SYT6: variants seen among roughly 807,000 people sequenced by gnomAD.
SYT6 encodes the protein synaptotagmin 6.
Under a neutral mutation model 38.4 loss-of-function variants are expected in SYT6, and 24 were observed. That is an observed-to-expected ratio of 0.62 (90% confidence interval 0.45 to 0.88). The LOEUF (loss-of-function observed/expected upper bound fraction) is 0.88. Among genes scored for constraint, SYT6 ranks in the 40% least tolerant of loss-of-function variants. The probability of loss-of-function intolerance (pLI) is 0.00; values close to 1 mark genes in which losing one functional copy is unlikely to be tolerated. For synonymous variants in SYT6, 265 were observed against 241.9 expected, an observed-to-expected ratio of 1.10 and a Z score of -0.89; for missense variants, 611 against 621.0, an observed-to-expected ratio of 0.98 and a Z score of 0.17.
At chr1:114,129,683 CT>C (rs1678023456) in intron 3 of SYT6, among the ~76,000 whole-genome samples, 2 of 129,622 alleles carry the variant, frequency 1.5e-5, no homozygotes, top group African/African-American at 5.9e-5. Context: ...CTTTTTCTTT[CT>C]TTCTTGACAG....
At chr1:114,134,620 G>T (rs1397748153) in intron 3 of SYT6, among the ~76,000 whole-genome samples, 1 of 152,210 alleles carries the variant, frequency 6.6e-6, no homozygotes. Flanking sequence ...CGGCAGGTAG[G>T]CTCTGAAAGG....
At chr1:114,111,930 T>A (rs1676708802) in intron 3 of SYT6, among the ~76,000 whole-genome samples, 1 of 152,098 alleles carries the variant, frequency 6.6e-6, no homozygotes, top group Admixed American at 6.5e-5. Context: ...GTGAGTTGAT[T>A]CCCTGCTCCG....
In SYT6 at chr1:114,137,866, T is replaced by A. The variant is rs773087545; in HGVS notation, c.700A>T (p.Asn234Tyr). The change falls in exon 3 of 8, where the codon AAC becomes TAC. Residue 234 changes from asparagine to tyrosine, a missense_variant. Transcript: ENST00000610222. ...TCGTAATCGTAGCGTAGGCTGAAGT[T>A]GATCTTCCCGCAGCTCTTGGTGGCC... Reference protein sequence around the residue: ...SEATKSCGKINFSLRYDYETE... With the variant: ...SEATKSCGKIYFSLRYDYETE... 1.7e-5 allele frequency: 27 copies of A among 1,613,888 alleles called. No individual in the cohort carries two copies. Among genetic ancestry groups the A allele is most frequent in the Non-Finnish European group, 2.2e-5 (26 of 1,180,014 alleles).
At chr1:114,119,895 C>A (rs1231519369) in intron 3 of SYT6, among the ~76,000 whole-genome samples, 2 of 152,078 alleles carry the variant, frequency 1.3e-5, no homozygotes, top group Admixed American at 6.6e-5. Flanking sequence ...CACAGTGGAA[C>A]GCTGTCTCTA....
At chr1:114,146,448 T>A (rs1314292079) in intron 1 of SYT6, among the ~76,000 whole-genome samples, 3 of 152,198 alleles carry the variant, frequency 2.0e-5, no homozygotes, top group African/African-American at 7.2e-5. Context: ...ACATGTCCCC[T>A]AGGAAATCAC....
At chr1:114,095,702 C>A (rs1279752539) in intron 6 of SYT6, among the ~76,000 whole-genome samples, 1 of 150,464 alleles carries the variant, frequency 6.6e-6, no homozygotes, top group Non-Finnish European at 1.5e-5. Flanking sequence ...GCTCTGTTGT[C>A]CAGGCTGGAG....
chr1:114,091,899 A>G lies in SYT6; in HGVS notation c.*235T>C, dbSNP rs2101613272. 2 of 1,056,852 alleles carry G rather than the reference A, an allele frequency of 1.9e-6. No individual in the cohort carries two copies. The highest frequency in any genetic ancestry group is 2.6e-5 in the East Asian group (1 of 38,378). 65.5% of individuals were successfully genotyped at this position (1,056,852 alleles called of 1,614,324 possible). A position where few individuals can be genotyped will look rare whatever the true frequency, so the allele number is the denominator to read the frequency against. ...CAGGAGCAGGTAAGACTCTGGAGTG[A>G]CGGACGGCTGCCGCTGCTGCCGCCA... On this transcript the variant is annotated 3_prime_UTR_variant, in exon 8 of 8. Coordinates refer to ENST00000610222, the MANE Select transcript of SYT6 (RefSeq NM_001253772.2).
intron 2 of SYT6, 48 bp from the exon 3 acceptor site, chr1:114,138,101 G>T (rs1678620681): frequency 6.4e-7 from 1 of 1,553,126 alleles, no homozygotes. Context: ...AGGGCTCAGG[G>T]GAAGGGGGAT....
At chr1:114,151,008 G>A (rs935876021) in intron 1 of SYT6, among the ~76,000 whole-genome samples, 1 of 152,234 alleles carries the variant, frequency 6.6e-6, no homozygotes, top group African/African-American at 2.4e-5. Flanking sequence ...AACATAAAAT[G>A]GTAAACAGAG....
Position 114,153,697 on chromosome 1 carries a change from G to A in SYT6, c.76C>T (p.Arg26Trp). ...ACGTCCAGCCCGAGAGGGGGCGGCC[G>A]GGCCCGGCACAGCGAGGCGAGGACC... ...LAVLASLCRA[R>W]PPPLGLDVET... Residue 26 changes from arginine (R) to tryptophan (W), a missense_variant, in exon 1 of 8, where the codon CGG (arginine) becomes TGG (tryptophan). Physicochemically the swap from Arg to Trp is moderately radical, Grantham distance 101. Transcript: ENST00000610222. 1 of 676,646 alleles carries A rather than the reference G, an allele frequency of 1.5e-6. No homozygotes were observed. Among genetic ancestry groups the A allele is most frequent in the South Asian group, 1.6e-5 (1 of 64,016 alleles). The allele number at this position is 676,646 out of a possible 1,614,324, so 41.9% of individuals were successfully genotyped here.
chr1:114,132,825 A>G (rs669689), intron 3 of SYT6, among the ~76,000 whole-genome samples: 2,512 of 152,246 alleles, frequency 0.016, 61 homozygotes, highest in African/African-American at 0.058. Flanking sequence ...TTCATTTACT[A>G]CATATAATAA....
intron 3 of SYT6, among the ~76,000 whole-genome samples, chr1:114,125,734 C>T (rs1045604642): frequency 1.3e-5 from 2 of 152,140 alleles, no homozygotes; most frequent in Non-Finnish European, 2.9e-5. Context: ...CCTTCCTCCT[C>T]TAAGGTAGAA....
At chr1:114,152,566 A>G (rs960541232) in intron 1 of SYT6, 1 of 152,102 alleles carries the variant, frequency 6.6e-6, no homozygotes, top group Admixed American at 6.5e-5. Context: ...CGGGACAAAG[A>G]AGCCCCGCGG....
chr1:114,125,716 C>A (rs751864213), intron 3 of SYT6, among the ~76,000 whole-genome samples: 1 of 152,168 alleles, frequency 6.6e-6, no homozygotes, highest in African/African-American at 2.4e-5. Flanking sequence ...CTACAGCTCA[C>A]CTTGTCTCCT....
chr1:114,152,134 C>T (rs1679473228), intron 1 of SYT6: 1 of 152,112 alleles, frequency 6.6e-6, no homozygotes, highest in Admixed American at 6.6e-5. Flanking sequence ...CGGGTATCTA[C>T]CTCTATATAC....
chr1:114,126,717 T>C (rs1677767108), intron 3 of SYT6, among the ~76,000 whole-genome samples: 1 of 152,212 alleles, frequency 6.6e-6, no homozygotes, highest in South Asian at 2.1e-4. Flanking sequence ...ATTAGATATT[T>C]ATTCCATCCA....
At chr1:114,100,245 A>G (rs917577419) in intron 4 of SYT6, among the ~76,000 whole-genome samples, 1 of 152,198 alleles carries the variant, frequency 6.6e-6, no homozygotes, top group Non-Finnish European at 1.5e-5. Context: ...AGGGCGGCTC[A>G]CAGGTAATAA....
At chr1:114,120,449 G>T (rs141664283) in intron 3 of SYT6, among the ~76,000 whole-genome samples, 1 of 152,256 alleles carries the variant, frequency 6.6e-6, no homozygotes, top group East Asian at 1.9e-4. Flanking sequence ...TAGGGGACTC[G>T]CTGGATTCCA....
chr1:114,149,824 C>T (rs903292636), intron 1 of SYT6, among the ~76,000 whole-genome samples: 2 of 151,904 alleles, frequency 1.3e-5, no homozygotes, highest in African/African-American at 4.8e-5. Context: ...TGCCTGGGTC[C>T]TCGGGGAGCA....
Sources: allele counts gnomAD v4.1 joint callset (sites outside exome capture counted in the v4.1 genomes callset), GRCh38; gene constraint gnomAD v4.1.1; transcripts MANE v1.5; gene names NCBI Gene and HGNC (gene_info 2026-07-23, HGNC 2026-07-21).